Variants in GPRC5A observed in about 807,000 individuals in gnomAD.
GPRC5A encodes the protein retinoic acid-induced protein 3.
In GPRC5A, 19 loss-of-function variants were observed where a neutral mutation model predicts 22.5. The observed-to-expected ratio is 0.85, with a 90% CI of 0.59 to 1.24. GPRC5A has a LOEUF of 1.24. Ranked by LOEUF, GPRC5A falls within the 50% of genes most tolerant of loss-of-function variation. The pLI is 0.00. For missense variants in GPRC5A, 471 were observed against 451.1 expected, an observed-to-expected ratio of 1.04 and a Z score of -0.40; for synonymous variants, 192 against 184.5, an observed-to-expected ratio of 1.04 and a Z score of -0.33.
Position 12,894,611 on chromosome 12 carries a change from G to A in GPRC5A, c.-8+2947G>A, listed in dbSNP as rs575363092. Among the ~76,000 whole-genome samples, 92 of 151,994 alleles carry A rather than the reference G, an allele frequency of 6.1e-4. 1 individual carries two copies. The highest frequency in any genetic ancestry group is 1.1e-3 in the Non-Finnish European group (72 of 67,986). On this transcript the variant is annotated intron_variant, in intron 1 of 3. Coordinates refer to ENST00000014914, the MANE Select transcript of GPRC5A (RefSeq NM_003979.4). ...TTTTGTAGAGATGGGGTTTTGCCAT[G>A]TAGCCTAGGCTTGACTCAAACTCCT...
intron 2 of GPRC5A, among the ~76,000 whole-genome samples, chr12:12,911,511 C>T (rs10845668): frequency 0.17 from 25,889 of 148,194 alleles, 3,173 homozygotes; most frequent in East Asian, 0.71. Context: ...TTGTTTGAGA[C>T]AGAGTCTTGT....
Position 12,914,552 on chromosome 12 carries a change from C to CCTTCTT in GPRC5A, c.*2013_*2014insCTTCTT, listed in dbSNP as rs1660380947. 2 of 48,872 alleles carry CCTTCTT rather than the reference C, an allele frequency of 4.1e-5. No homozygotes were observed. The highest frequency in any genetic ancestry group is 3.3e-4 in the East Asian group (1 of 3,052). The allele number at this position is 48,872 out of a possible 1,614,324, so 3.0% of individuals were successfully genotyped here. On this transcript the variant is annotated 3_prime_UTR_variant, in exon 4 of 4. Coordinates refer to ENST00000014914, the MANE Select transcript of GPRC5A (RefSeq NM_003979.4). ...TCTTTCCTTCCTTCCTTCCTTTCTT[C>CCTTCTT]TTTCTTTCTTTCTTTCTTTCTTTCT...
At chr12:12,900,846 T>C (rs7313393) in intron 1 of GPRC5A, among the ~76,000 whole-genome samples, 4,236 of 123,648 alleles carry the variant, frequency 0.034, 216 homozygotes, top group African/African-American at 0.12. Flanking sequence ...GCTGAGATCA[T>C]GCCATTGCAC....
chr12:12,896,146 G>A (rs907042699), intron 1 of GPRC5A, among the ~76,000 whole-genome samples: 1 of 152,052 alleles, frequency 6.6e-6, no homozygotes, highest in Non-Finnish European at 1.5e-5. Context: ...ATGATTTCCA[G>A]TATTTCATTT....
intron 1 of GPRC5A, among the ~76,000 whole-genome samples, chr12:12,892,654 C>T (rs1051663460): frequency 6.6e-6 from 1 of 151,930 alleles, no homozygotes. Flanking sequence ...GGTGTGAGCC[C>T]CCGCGCCCGG....
intron 1 of GPRC5A, among the ~76,000 whole-genome samples, chr12:12,893,138 C>T (rs926306490): frequency 6.6e-6 from 1 of 152,226 alleles, no homozygotes; most frequent in African/African-American, 2.4e-5. Flanking sequence ...CTCCTCCCAG[C>T]TCCGCAGGAA....
At chr12:12,898,058 C>A (rs1863841653) in intron 1 of GPRC5A, among the ~76,000 whole-genome samples, 1 of 152,184 alleles carries the variant, frequency 6.6e-6, no homozygotes, top group African/African-American at 2.4e-5. Flanking sequence ...GTGCTTACAG[C>A]CCAAACCTCT....
chr12:12,907,850 C>A (rs1863958557), intron 1 of GPRC5A, among the ~76,000 whole-genome samples: 1 of 152,152 alleles, frequency 6.6e-6, no homozygotes, highest in Non-Finnish European at 1.5e-5. Flanking sequence ...TGGTCTCAAA[C>A]TTCAGAGAGC....
chr12:12,915,346 T>A lies in GPRC5A; in HGVS notation c.*2807T>A, dbSNP rs1295177754. On this transcript the variant is annotated 3_prime_UTR_variant, in exon 4 of 4. Coordinates refer to ENST00000014914, the MANE Select transcript of GPRC5A (RefSeq NM_003979.4). ...TAAGTTTTAAAATCTGAGCAGCAAT[T>A]TGAATCACTTGTTGAAAAACACACA... is the stretch of plus-strand genomic sequence containing the variant. The A allele has an allele frequency of 6.6e-6, 1 of 152,186 alleles. No homozygotes were observed. The highest frequency in any genetic ancestry group is 2.4e-5 in the African/African-American group (1 of 41,418). The allele number at this position is 152,186 out of a possible 1,614,324, so 9.4% of individuals were successfully genotyped here.
At chr12:12,911,629 C>T (rs1289372713) in intron 2 of GPRC5A, among the ~76,000 whole-genome samples, 1 of 152,044 alleles carries the variant, frequency 6.6e-6, no homozygotes, top group East Asian at 1.9e-4. Context: ...GCTGGGACTA[C>T]AGGTGCCCGC....
chr12:12,909,321 A>T (rs1863979683), intron 2 of GPRC5A, 150 bp downstream of exon 2: 1 of 623,866 alleles, frequency 1.6e-6, no homozygotes. Context: ...TCTTGCTTAA[A>T]GTCGTCCAGC....
Position 12,914,550 on chromosome 12 carries a change from T to TTCCTTC in GPRC5A, c.*2013_*2014insCTTCTC. On this transcript the variant is annotated 3_prime_UTR_variant, in exon 4 of 4. Coordinates refer to ENST00000014914, the MANE Select transcript of GPRC5A (RefSeq NM_003979.4). Reference sequence around the variant, plus strand: ...TCTCTTTCCTTCCTTCCTTCCTTTCTTCTTTCTTTCTTTCTTTCTTTCTTT... The same window carrying TTCCTTC: ...TCTCTTTCCTTCCTTCCTTCCTTTCTTCCTTCTCTTTCTTTCTTTCTTTCTTTCTTT... The TTCCTTC allele has an allele frequency of 1.6e-4, 1 of 6,254 alleles. No homozygotes were observed. Among genetic ancestry groups the TTCCTTC allele is most frequent in the African/African-American group, 5.5e-4 (1 of 1,802 alleles). The allele number at this position is 6,254 out of a possible 1,614,324, so 0.4% of individuals were successfully genotyped here.
rs372515590 is a variant in GPRC5A, at chr12:12,899,320, T to C, written c.-8+7656T>C. 2.0e-5 allele frequency among the ~76,000 whole-genome samples: 3 copies of C among 152,304 alleles called. No individual in the cohort carries two copies. In the East Asian group the frequency reaches 5.8e-4, roughly 29 times the overall value. ...TCTCAAAGTACTGGGATTACAGGCG[T>C]AAGCTACTGCCCCCGGCCAGGGTTG... On this transcript the variant is annotated intron_variant, in intron 1 of 3. Transcript: ENST00000014914.
At chr12:12,902,346 GTT>G (rs34936618) in intron 1 of GPRC5A, among the ~76,000 whole-genome samples, 19 of 145,882 alleles carry the variant, frequency 1.3e-4, no homozygotes, top group African/African-American at 4.7e-4. Flanking sequence ...GACTAAGATG[GTT>G]TTTTTTTTTT....
At chr12:12,904,135 C>G (rs1863916665) in intron 1 of GPRC5A, among the ~76,000 whole-genome samples, 1 of 152,072 alleles carries the variant, frequency 6.6e-6, no homozygotes. Flanking sequence ...GGCCTGAGTT[C>G]CTTCCGCTCG....
chr12:12,891,753 AGAG>A (rs1278621255), intron 1 of GPRC5A, 89 bp downstream of exon 1: 1 of 152,132 alleles, frequency 6.6e-6, no homozygotes. Flanking sequence ...GTGGGATAGA[AGAG>A]GAGAGAAATC....
Position 12,914,590 on chromosome 12 carries a change from TTCTTTCTC to T in GPRC5A, c.*2055_*2062del, listed in dbSNP as rs1234627119. On this transcript the variant is annotated 3_prime_UTR_variant, in exon 4 of 4. Coordinates refer to ENST00000014914, the MANE Select transcript of GPRC5A (RefSeq NM_003979.4). ...TTTCTTTCTTTCTTTCTTTCTTTCT[TTCTTTCTC>T]TCTCTCTCTCTCTCTCTCTTTCTTT... The T allele has an allele frequency of 2.9e-4, 19 of 65,348 alleles. No homozygotes were observed. The highest frequency in any genetic ancestry group is 1.5e-3 in the African/African-American group (18 of 12,386). The allele number at this position is 65,348 out of a possible 1,614,324, so 4.0% of individuals were successfully genotyped here.
In GPRC5A at chr12:12,917,243, TGTGTGTGTGCGTGC is replaced by T. The variant is rs55841325; in HGVS notation, c.*4708_*4721del. On this transcript the variant is annotated 3_prime_UTR_variant, in exon 4 of 4. Transcript: ENST00000014914. ...GTGTGTGTGTGTGTGTGTGTGTGTG[TGTGTGTGTGCGTGC>T]GTGCGTGTATGTGCGCCTGACCCTG... 23,419 of 125,970 alleles carry T rather than the reference TGTGTGTGTGCGTGC, an allele frequency of 0.19. 2,345 individuals carry two copies. The highest frequency in any genetic ancestry group is 0.61 in the East Asian group (2,806 of 4,590). 7.8% of individuals were successfully genotyped at this position (125,970 alleles called of 1,614,324 possible). A position where few individuals can be genotyped will look rare whatever the true frequency, so the allele number is the denominator to read the frequency against.
intron 1 of GPRC5A, among the ~76,000 whole-genome samples, chr12:12,894,243 A>G (rs1863796516): frequency 6.6e-6 from 1 of 152,234 alleles, no homozygotes; most frequent in African/African-American, 2.4e-5. Flanking sequence ...AGATCTAATA[A>G]GATATGAAGA....
Sources: gnomAD v4.1 joint callset for allele counts (sites outside exome capture counted in the v4.1 genomes callset) on GRCh38, gnomAD v4.1.1 for gene constraint, MANE v1.5 for transcripts, NCBI Gene and HGNC (gene_info 2026-07-23, HGNC 2026-07-21) for gene names.